Variants in DMBT1 observed in about 807,000 individuals in gnomAD.
DMBT1 encodes the protein scavenger receptor cysteine-rich domain-containing protein DMBT1.
In DMBT1, 198 loss-of-function variants were observed where a neutral mutation model predicts 252.9. The observed-to-expected ratio is 0.78, with a 90% confidence interval of 0.70 to 0.88. The LOEUF is 0.88. Ranked by LOEUF, DMBT1 falls within the 40% of genes least tolerant of loss-of-function variation. DMBT1 has a pLI of 0.00. For missense variants in DMBT1, 2,432 were observed against 2,404.7 expected, an observed-to-expected ratio of 1.01 and a Z score of -0.24; for synonymous variants, 990 against 942.7, an observed-to-expected ratio of 1.05 and a Z score of -0.92.
chr10:122,578,411 G>A (rs1206665933), intron 8 of DMBT1, among the ~76,000 whole-genome samples: 2 of 152,184 alleles, frequency 1.3e-5, no homozygotes, highest in Admixed American at 6.5e-5. Context: ...GTCAAGTCTT[G>A]GCAGTGGTGT....
intron 27 of DMBT1, 62 bp downstream of exon 27, chr10:122,600,155 C>T (rs2097930921): frequency 1.9e-6 from 3 of 1,573,782 alleles, no homozygotes; most frequent in South Asian, 2.3e-5. Context: ...ACCCCTTCCA[C>T]ACTCCACAGA....
intron 55 of DMBT1, among the ~76,000 whole-genome samples, chr10:122,641,797 C>T (rs1411692844): frequency 6.6e-6 from 1 of 151,960 alleles, no homozygotes; most frequent in Non-Finnish European, 1.5e-5. Context: ...GTAGATGTAC[C>T]CTGGCTATAC....
rs138085910 is a variant in DMBT1 at position 122,573,333 on chromosome 10, T to G, written c.236-382T>G. Among the ~76,000 whole-genome samples the G allele has an allele frequency of 5.0e-3, 756 of 152,324 alleles. 5 individuals are homozygous for G. The highest frequency in any genetic ancestry group is 0.017 in the African/African-American group (726 of 41,580). ...CACCTTTTTTTCTGGTTGAACCACC[T>G]TCTCAGAAATATTTCAGTGATGGTG... On this transcript the variant is annotated intron_variant, in intron 5 of 55. Transcript: ENST00000338354.
In DMBT1 at chr10:122,577,933, A is replaced by G. The variant is rs977951478; in HGVS notation, c.637+93A>G. 1.4e-5 allele frequency: 19 copies of G among 1,396,730 alleles called. No homozygotes were observed. In the Middle Eastern group the frequency reaches 1.5e-3, roughly 110 times the overall value. 86.5% of individuals were successfully genotyped at this position (1,396,730 alleles called of 1,614,324 possible). ...ACAGAGCCCTCCTGCTTCTCTGCAG[A>G]TACTCTGGGGCATATTATTTCACCC... On this transcript the variant is annotated intron_variant, in intron 8 of 55. Coordinates refer to ENST00000338354, the MANE Select transcript of DMBT1 (RefSeq NM_001377530.1).
chr10:122,619,820 A>G (rs1289041149), intron 42 of DMBT1, among the ~76,000 whole-genome samples: 1 of 152,232 alleles, frequency 6.6e-6, no homozygotes, highest in Non-Finnish European at 1.5e-5. Flanking sequence ...CTGCATCCAG[A>G]AAAGGCAGAG....
chr10:122,633,093 T>C, intron 51 of DMBT1, 98 bp from the exon 52 acceptor site: 2 of 1,511,152 alleles, frequency 1.3e-6, no homozygotes, highest in South Asian at 2.7e-5. Flanking sequence ...GGAATTATTT[T>C]ATAAAATTTT....
chr10:122,643,073 G>A (rs1844858372), intron 55 of DMBT1, 49 bp from the exon 56 acceptor site: 1 of 1,590,424 alleles, frequency 6.3e-7, no homozygotes, highest in African/African-American at 1.3e-5. Flanking sequence ...GAGTCATGAA[G>A]GAAGAATCGG....
intron 44 of DMBT1, among the ~76,000 whole-genome samples, chr10:122,623,730 T>C (rs1028190276): frequency 6.6e-6 from 1 of 152,228 alleles, no homozygotes; most frequent in African/African-American, 2.4e-5. Context: ...ATTTTATAGA[T>C]ACTAAGCTGA....
In DMBT1 at chr10:122,601,034, C is replaced by G; in HGVS notation, c.3343+11C>G. 1.1e-6 allele frequency: 1 copy of G among 900,612 alleles called. No individual in the cohort carries two copies. The highest frequency in any genetic ancestry group is 1.8e-6 in the Non-Finnish European group (1 of 565,708). 55.8% of individuals were successfully genotyped at this position (900,612 alleles called of 1,614,324 possible). On this transcript the variant is annotated intron_variant, in intron 28 of 55. Coordinates refer to ENST00000338354, the MANE Select transcript of DMBT1 (RefSeq NM_001377530.1). The stretch of plus-strand genomic sequence containing the variant: ...ATGCATCAACAGCAGGTAAATAATC[C>G]TCTCACCCCTCCCTAGGGCTCACTG...
chr10:122,576,021 G>A (rs537080525), intron 6 of DMBT1, among the ~76,000 whole-genome samples: 39 of 152,300 alleles, frequency 2.6e-4, no homozygotes, highest in Non-Finnish European at 4.7e-4. Flanking sequence ...ACACATCAGA[G>A]CTCCTCCCGG....
intron 21 of DMBT1, among the ~76,000 whole-genome samples, chr10:122,594,273 C>A (rs1017876181): frequency 1.5e-5 from 2 of 133,538 alleles, no homozygotes; most frequent in Non-Finnish European, 3.4e-5. Flanking sequence ...TAGAAAGATA[C>A]CCCAGGATTA....
At chr10:122,590,260 G>T (rs192466487) in intron 17 of DMBT1, among the ~76,000 whole-genome samples, 2 of 149,064 alleles carry the variant, frequency 1.3e-5, no homozygotes, top group African/African-American at 4.9e-5. Flanking sequence ...CACCAGTCAG[G>T]TGTAGGGCGG....
chr10:122,578,710 G>A lies in DMBT1; in HGVS notation c.638-8G>A, dbSNP rs1307692393. ...AATTGTATCCTTTCTCTTTGTTGCT[G>A]TTTACAGAAAGTTGGCCTGTCAGGA... On this transcript the variant is annotated splice_polypyrimidine_tract_variant and splice_region_variant and intron_variant, in intron 8 of 55. Transcript: ENST00000338354. The A allele has an allele frequency of 1.9e-6, 3 of 1,606,088 alleles. No homozygotes were observed. Among genetic ancestry groups the A allele is most frequent in the Non-Finnish European group, 1.7e-6 (2 of 1,175,668 alleles).
Position 122,579,798 on chromosome 10 carries a change from T to C in DMBT1, c.900T>C (p.Asp300=), listed in dbSNP as rs1348064568. The change falls in exon 10 of 56, where the codon GAT becomes GAC. Residue 300 remains aspartate, a synonymous_variant. Coordinates refer to ENST00000338354, the MANE Select transcript of DMBT1 (RefSeq NM_001377530.1). ...GCTCAGGACCCATTGTCCTGGATGATGTGCGCTGCTCAGGACATGAGTCCT... is the reference window on the plus strand; with the variant it reads ...GCTCAGGACCCATTGTCCTGGATGACGTGCGCTGCTCAGGACATGAGTCCT... The part of the protein sequence containing the change: ...GQGSGPIVLD[D]VRCSGHESYL... 6 of 1,607,278 alleles carry C rather than the reference T, an allele frequency of 3.7e-6. No individual in the cohort carries two copies. Among genetic ancestry groups the C allele is most frequent in the Non-Finnish European group, 5.1e-6 (6 of 1,173,826 alleles).
At chr10:122,574,955 C>T (rs4751896) in intron 6 of DMBT1, among the ~76,000 whole-genome samples, 2,110 of 152,306 alleles carry the variant, frequency 0.014, 18 homozygotes, top group Middle Eastern at 0.037. Flanking sequence ...CAGACAGAAG[C>T]TGAGTGCTGT....
At chr10:122,622,269 C>T (rs2098077469) in intron 44 of DMBT1, among the ~76,000 whole-genome samples, 1 of 152,160 alleles carries the variant, frequency 6.6e-6, no homozygotes, top group African/African-American at 2.4e-5. Context: ...CCTCTGGCCG[C>T]TCCCTACCTC....
intron 45 of DMBT1, among the ~76,000 whole-genome samples, 182 bp downstream of exon 45, chr10:122,625,485 C>T (rs1043465410): frequency 2.6e-5 from 4 of 152,172 alleles, no homozygotes; most frequent in South Asian, 2.1e-4. Flanking sequence ...TCTGGTTCAC[C>T]GTGGAGGGCC....
At chr10:122,634,396 CTTTCT>C (rs1555030451) in intron 52 of DMBT1, among the ~76,000 whole-genome samples, 1 of 133,652 alleles carries the variant, frequency 7.5e-6, no homozygotes, top group African/African-American at 2.8e-5. Context: ...TTCTTTCTTT[CTTTCT>C]TTTCTTTCTT....
At chr10:122,567,290 G>T (rs1165926939) in intron 2 of DMBT1, among the ~76,000 whole-genome samples, 1 of 152,200 alleles carries the variant, frequency 6.6e-6, no homozygotes, top group Non-Finnish European at 1.5e-5. Context: ...GCACCTCTAG[G>T]TTCATCTCTG....
Sources: allele counts gnomAD v4.1 joint callset (sites outside exome capture counted in the v4.1 genomes callset), GRCh38; gene constraint gnomAD v4.1.1; transcripts MANE v1.5; gene names NCBI Gene and HGNC (gene_info 2026-07-23, HGNC 2026-07-21).